NOTCH2: variants seen among roughly 807,000 people sequenced by gnomAD.
The protein encoded by NOTCH2 is notch receptor 2.
Under a neutral mutation model 235.8 loss-of-function variants are expected in NOTCH2, and 29 were observed. That is an observed-to-expected ratio of 0.12 (90% CI 0.09 to 0.17). NOTCH2 has a LOEUF of 0.17. Ranked by LOEUF, NOTCH2 falls within the 10% of genes least tolerant of loss-of-function variation. The pLI is 1.00. For missense variants in NOTCH2, 2,285 were observed against 3,150.2 expected (o/e 0.73, Z 6.57); for synonymous variants, 1,086 against 1,141.5 (o/e 0.95, Z 0.98).
chr1:119,941,382 C>T (rs1650055562), intron 18 of NOTCH2, 144 bp downstream of exon 18: 1 of 704,040 alleles, frequency 1.4e-6, no homozygotes, highest in Non-Finnish European at 2.6e-6. Context: ...GAACCAGTAA[C>T]CGGGCAATAG....
Position 119,950,696 on chromosome 1 carries a change from G to C in NOTCH2, c.2479+28C>G, listed in dbSNP as rs782644248. On this transcript the variant is annotated intron_variant, in intron 15 of 33. Coordinates refer to ENST00000256646, the MANE Select transcript of NOTCH2 (RefSeq NM_024408.4). ...CAAAGCAAGGTCAAGTATCCCCTCT[G>C]GTCCCTGCTGGTACCTCCAGGACCC... is the stretch of plus-strand genomic sequence containing the variant. 1.3e-5 allele frequency: 18 copies of C among 1,403,824 alleles called. No homozygotes were observed. The Admixed American group carries it at 3.0e-4, about 24-fold the overall frequency. The allele number at this position is 1,403,824 out of a possible 1,614,324, so 87.0% of individuals were successfully genotyped here.
chr1:119,950,548 A>G (rs1553197614), intron 15 of NOTCH2, 176 bp downstream of exon 15: 1 of 703,378 alleles, frequency 1.4e-6, no homozygotes, highest in Middle Eastern at 2.3e-4. Context: ...GCATCTTAGG[A>G]GGCCACAATG....
intron 20 of NOTCH2, 31 bp from the exon 21 acceptor site, chr1:119,937,497 A>G: frequency 6.2e-7 from 1 of 1,601,644 alleles, no homozygotes; most frequent in South Asian, 1.1e-5. Flanking sequence ...GAAATGTCAT[A>G]GAAGAACATG....
At chr1:119,988,978 TA>T (rs1360445305) in intron 4 of NOTCH2, among the ~76,000 whole-genome samples, 2 of 152,144 alleles carry the variant, frequency 1.3e-5, no homozygotes, top group Non-Finnish European at 2.9e-5. Context: ...AGAAAAGAAA[TA>T]AAGTGTTTTC....
chr1:120,001,209 TC>T (rs1391371790), intron 3 of NOTCH2, among the ~76,000 whole-genome samples: 6 of 152,180 alleles, frequency 3.9e-5, no homozygotes, highest in African/African-American at 1.4e-4. Flanking sequence ...GATATCTTTA[TC>T]AGCAGCGTGA....
At chr1:119,965,410 C>A in intron 10 of NOTCH2, 43 bp downstream of exon 10, 3 of 1,450,988 alleles carry the variant, frequency 2.1e-6, no homozygotes, top group South Asian at 2.3e-5. Context: ...CTATTTTGTT[C>A]AGATGGACCT....
In NOTCH2 at chr1:119,922,358, T is replaced by C. The variant is rs1649315456; in HGVS notation, c.5091A>G (p.Val1697=). 1.2e-6 allele frequency: 2 copies of C among 1,613,968 alleles called. No individual in the cohort carries two copies. Among genetic ancestry groups the C allele is most frequent in the Non-Finnish European group, 1.7e-6 (2 of 1,180,020 alleles). The change falls in exon 28 of 34, where the codon GTA becomes GTG. Residue 1697 remains valine, a synonymous_variant. Coordinates refer to ENST00000256646, the MANE Select transcript of NOTCH2 (RefSeq NM_024408.4). ...GCTTACGCTTTCGTTTTGCCATGAT[T>C]ACCCCCAGCAGAATAATAAACAGAA... ...VIILFIILLG[V]IMAKRKRKHG...
Position 119,919,707 on chromosome 1 carries a change from G to A in NOTCH2, c.5480-94C>T, listed in dbSNP as rs1331767881. 6.5e-6 allele frequency: 8 copies of A among 1,234,796 alleles called. No homozygotes were observed. The East Asian group carries it at 2.0e-4, about 31-fold the overall frequency. 76.5% of individuals were successfully genotyped at this position (1,234,796 alleles called of 1,614,324 possible). On this transcript the variant is annotated intron_variant, in intron 30 of 33. Coordinates refer to ENST00000256646, the MANE Select transcript of NOTCH2 (RefSeq NM_024408.4). ...CTCTATTTGACTAAAGTTATTCTTA[G>A]GGGCAAAGAATTCCCTGTACTTCTT...
At chr1:119,995,345 CA>C (rs1652398808) in intron 4 of NOTCH2, 1 of 148,972 alleles carries the variant, frequency 6.7e-6, no homozygotes, top group Non-Finnish European at 1.5e-5. Context: ...ATCTTGCTGC[CA>C]AATCAACCTC....
intron 5 of NOTCH2, among the ~76,000 whole-genome samples, chr1:119,981,755 G>A (rs587632864): frequency 6.6e-6 from 1 of 152,150 alleles, no homozygotes; most frequent in African/African-American, 2.4e-5. Flanking sequence ...CGAATTTGGG[G>A]TGAGGAGGTA....
chr1:119,980,481 T>A (rs1651775413), intron 5 of NOTCH2, among the ~76,000 whole-genome samples: 1 of 152,178 alleles, frequency 6.6e-6, no homozygotes. Flanking sequence ...TTGTGCAAAA[T>A]CTTACATAGT....
At chr1:119,967,738 C>A (rs981969227) in intron 7 of NOTCH2, 117 bp from the exon 8 acceptor site, 1 of 883,746 alleles carries the variant, frequency 1.1e-6, no homozygotes, top group African/African-American at 1.7e-5. Context: ...TAATATCATT[C>A]CCAATTTTCT....
At chr1:120,011,659 G>A (rs1270704380) in intron 2 of NOTCH2, among the ~76,000 whole-genome samples, 7 of 151,856 alleles carry the variant, frequency 4.6e-5, no homozygotes, top group Admixed American at 1.3e-4. Context: ...TGTATTACTC[G>A]CTCCAGTGCT....
intron 5 of NOTCH2, among the ~76,000 whole-genome samples, chr1:119,981,029 C>T (rs782627633): frequency 3.3e-5 from 5 of 152,140 alleles, no homozygotes; most frequent in Admixed American, 6.5e-5. Context: ...CATCCAATTT[C>T]CCTCACAGAC....
chr1:119,938,736 A>G (rs1310566427), intron 19 of NOTCH2, among the ~76,000 whole-genome samples: 3 of 151,622 alleles, frequency 2.0e-5, no homozygotes, highest in Admixed American at 6.6e-5. Context: ...GCTGGAGTGC[A>G]GTGGCGCTAT....
At chr1:119,943,883 G>C (rs1437112534) in intron 17 of NOTCH2, among the ~76,000 whole-genome samples, 1 of 152,016 alleles carries the variant, frequency 6.6e-6, no homozygotes, top group Non-Finnish European at 1.5e-5. Flanking sequence ...AACGTTAAAA[G>C]AAAGACTTGA....
intron 3 of NOTCH2, among the ~76,000 whole-genome samples, chr1:119,999,955 GAAAGAA>G (rs1652662729): frequency 2.3e-5 from 3 of 129,454 alleles, no homozygotes; most frequent in Non-Finnish European, 4.7e-5. Context: ...AAGAAAGAAA[GAAAGAA>G]AGAAAGAAAG....
intron 25 of NOTCH2, among the ~76,000 whole-genome samples, chr1:119,924,632 G>T (rs587608194): frequency 1.3e-5 from 2 of 152,204 alleles, no homozygotes; most frequent in African/African-American, 4.8e-5. Context: ...CCTACCCCTT[G>T]ATATTTATAC....
At chr1:119,933,252 G>A (rs1034913083) in intron 22 of NOTCH2, among the ~76,000 whole-genome samples, 1 of 152,160 alleles carries the variant, frequency 6.6e-6, no homozygotes, top group African/African-American at 2.4e-5. Context: ...AAACTGGTGG[G>A]ACATGCAGGC....
Sources: gnomAD v4.1 joint callset for allele counts (sites outside exome capture counted in the v4.1 genomes callset) on GRCh38, gnomAD v4.1.1 for gene constraint, MANE v1.5 for transcripts, NCBI Gene and HGNC (gene_info 2026-07-23, HGNC 2026-07-21) for gene names.